The following KCNAB1 variants were observed in gnomAD, a reference collection of about 807,000 sequenced individuals.
KCNAB1 encodes potassium voltage-gated channel subfamily A regulatory beta subunit 1, also known as voltage-gated potassium channel subunit beta-1.
Under a neutral mutation model 64.6 loss-of-function variants are expected in KCNAB1, and 35 were observed. The observed-to-expected ratio is 0.54, with a 90% CI of 0.41 to 0.72. The LOEUF is 0.72. Ranked by LOEUF, KCNAB1 falls within the 30% of genes least tolerant of loss-of-function variation. The probability of loss-of-function intolerance (pLI) is 0.00; values close to 1 mark genes in which losing one functional copy is unlikely to be tolerated. For missense variants in KCNAB1, 401 were observed against 512.9 expected, an observed-to-expected ratio of 0.78 and a Z score of 2.11; for synonymous variants, 177 against 183.8, an observed-to-expected ratio of 0.96 and a Z score of 0.30.
intron 1 of KCNAB1, among the ~76,000 whole-genome samples, chr3:156,208,066 A>G (rs181443198): frequency 1.7e-3 from 258 of 152,312 alleles, no homozygotes; most frequent in African/African-American, 6.1e-3. Flanking sequence ...GTCAGAATAC[A>G]TGATATATTT....
intron 11 of KCNAB1, among the ~76,000 whole-genome samples, chr3:156,517,441 T>A (rs1717634050): frequency 6.6e-6 from 1 of 152,244 alleles, no homozygotes; most frequent in Admixed American, 6.5e-5. Context: ...AAAAACAATT[T>A]TCCTAGAATA....
chr3:156,451,015 C>T (rs1343525395), intron 2 of KCNAB1, among the ~76,000 whole-genome samples: 3 of 152,082 alleles, frequency 2.0e-5, no homozygotes, highest in African/African-American at 7.2e-5. Context: ...GATTTCAGTG[C>T]TGGGAATACA....
intron 1 of KCNAB1, among the ~76,000 whole-genome samples, chr3:156,381,548 G>A (rs975388233): frequency 3.3e-5 from 5 of 152,192 alleles, no homozygotes; most frequent in African/African-American, 1.2e-4. Flanking sequence ...GTCAGCAAGA[G>A]CCTTATCACA....
At chr3:156,401,512 ATGTGGC>A (rs1413871371) in intron 1 of KCNAB1, among the ~76,000 whole-genome samples, 1 of 152,226 alleles carries the variant, frequency 6.6e-6, no homozygotes, top group Non-Finnish European at 1.5e-5. Flanking sequence ...TGGTGTTGAA[ATGTGGC>A]TGTTCTGGCC....
chr3:156,239,869 G>A (rs186134168), intron 1 of KCNAB1, among the ~76,000 whole-genome samples: 7 of 152,104 alleles, frequency 4.6e-5, no homozygotes, highest in South Asian at 2.1e-4. Context: ...TTCCCCTCAC[G>A]GAGAGTATTT....
intron 1 of KCNAB1, among the ~76,000 whole-genome samples, chr3:156,153,862 A>G (rs922095381): frequency 2.0e-5 from 3 of 152,130 alleles, no homozygotes; most frequent in Admixed American, 6.5e-5. Context: ...TGCATCTCCA[A>G]CTTGCCAACT....
intron 1 of KCNAB1, among the ~76,000 whole-genome samples, chr3:156,341,212 C>T (rs1724088728): frequency 6.6e-6 from 1 of 152,072 alleles, no homozygotes; most frequent in African/African-American, 2.4e-5. Flanking sequence ...CTTAGAGTAC[C>T]ATACCTACAT....
At chr3:156,514,824 T>C (rs970166457) in intron 9 of KCNAB1, among the ~76,000 whole-genome samples, 17 of 152,266 alleles carry the variant, frequency 1.1e-4, no homozygotes, top group African/African-American at 3.9e-4. Flanking sequence ...ATAGTTAAAC[T>C]ACATTTTCTT....
In KCNAB1 at chr3:156,284,821, C is replaced by T. The variant is rs572533625; in HGVS notation, c.276-136795C>T. Among the ~76,000 whole-genome samples the T allele has an allele frequency of 2.8e-3, 420 of 152,328 alleles. 4 individuals are homozygous for T. The highest frequency in any genetic ancestry group is 9.5e-3 in the African/African-American group (397 of 41,588). On this transcript the variant is annotated intron_variant, in intron 1 of 13. Transcript: ENST00000490337. ...AGTGAGGCAATGCCTCACCCTGCTT[C>T]GGCTCGCGCACGATGCGCGCACCCA...
At chr3:156,206,521 C>T (rs904142006) in intron 1 of KCNAB1, among the ~76,000 whole-genome samples, 6 of 152,148 alleles carry the variant, frequency 3.9e-5, no homozygotes, top group African/African-American at 1.4e-4. Flanking sequence ...ATCAGTGAAC[C>T]CCCAAATCAG....
chr3:156,502,167 A>G (rs1716489430), intron 8 of KCNAB1, among the ~76,000 whole-genome samples: 1 of 152,148 alleles, frequency 6.6e-6, no homozygotes, highest in Non-Finnish European at 1.5e-5. Context: ...CTTTTAAAAT[A>G]ATTTGATAAG....
In KCNAB1 at chr3:156,150,635, A is replaced by C. The variant is rs1715347907; in HGVS notation, c.275+29749A>C. Among the ~76,000 whole-genome samples the C allele has an allele frequency of 1.3e-5, 2 of 152,138 alleles. 1 individual carries two copies. The highest frequency in any genetic ancestry group is 4.1e-4 in the South Asian group (2 of 4,830). On this transcript the variant is annotated intron_variant, in intron 1 of 13. Coordinates refer to ENST00000490337, the MANE Select transcript of KCNAB1 (RefSeq NM_172160.3). ...CACCCAAGAGAAAAACAATTCCTGA[A>C]TTTCCCTGCAGTGCCTTTGAGTGCC...
chr3:156,501,762 T>C (rs138059783), intron 8 of KCNAB1, among the ~76,000 whole-genome samples: 1 of 152,244 alleles, frequency 6.6e-6, no homozygotes, highest in East Asian at 1.9e-4. Flanking sequence ...GCTGTATTAG[T>C]CCATTTTCAT....
At chr3:156,164,978 T>A (rs1008741872) in intron 1 of KCNAB1, among the ~76,000 whole-genome samples, 4 of 152,136 alleles carry the variant, frequency 2.6e-5, no homozygotes, top group African/African-American at 9.7e-5. Context: ...TGAAAGAAGA[T>A]CCTAATGAAA....
chr3:156,231,519 C>T (rs1349364741), intron 1 of KCNAB1, among the ~76,000 whole-genome samples: 1 of 133,298 alleles, frequency 7.5e-6, no homozygotes, highest in Non-Finnish European at 1.6e-5. Flanking sequence ...TCCCTCCCTT[C>T]CTCCCTTTCT....
At chr3:156,379,842 GA>G (rs1017315440) in intron 1 of KCNAB1, among the ~76,000 whole-genome samples, 1 of 152,208 alleles carries the variant, frequency 6.6e-6, no homozygotes, top group Non-Finnish European at 1.5e-5. Context: ...GATCTAGGAA[GA>G]GGTGGTGGCA....
intron 8 of KCNAB1, among the ~76,000 whole-genome samples, chr3:156,506,064 G>A (rs1431107766): frequency 6.6e-6 from 1 of 152,092 alleles, no homozygotes. Flanking sequence ...ATATCACTTG[G>A]TATTTAATTT....
chr3:156,253,670 C>T (rs778920978), intron 1 of KCNAB1, among the ~76,000 whole-genome samples: 7 of 152,174 alleles, frequency 4.6e-5, no homozygotes, highest in Non-Finnish European at 8.8e-5. Flanking sequence ...CTTCCCTGAA[C>T]CTAAGAGTGA....
chr3:156,381,369 GA>G (rs1489693473), intron 1 of KCNAB1, among the ~76,000 whole-genome samples: 1 of 152,210 alleles, frequency 6.6e-6, no homozygotes, highest in African/African-American at 2.4e-5. Context: ...AGAGGATACT[GA>G]GGGGATTCTG....
Sources: gnomAD v4.1 joint callset for allele counts (sites outside exome capture counted in the v4.1 genomes callset) on GRCh38, gnomAD v4.1.1 for gene constraint, MANE v1.5 for transcripts, NCBI Gene and HGNC (gene_info 2026-07-23, HGNC 2026-07-21) for gene names.